Variants in LRP12 observed in about 807,000 individuals in gnomAD.
LRP12 encodes the protein low-density lipoprotein receptor-related protein 12.
A neutral mutation model predicts 66.0 loss-of-function variants in LRP12; 14 were observed. The ratio of observed to expected loss-of-function variants is 0.21; its 90% CI spans 0.14 to 0.33. LRP12 has a LOEUF of 0.33. LRP12 is among the 10% of genes least tolerant of loss of function. The pLI, the probability that LRP12 is intolerant of heterozygous loss-of-function variation, is 1.00. For missense variants in LRP12, 889 were observed against 1,053.4 expected (o/e 0.84, Z 2.16); for synonymous variants, 357 against 359.1 (o/e 0.99, Z 0.07).
chr8:104,588,999 G>GCCGCCGCCGCCA lies in LRP12; in HGVS notation c.-103_-102insTGGCGGCGGCGG, dbSNP rs1491015356. On this transcript the variant is annotated 5_prime_UTR_variant, in exon 1 of 7. Coordinates refer to ENST00000276654, the MANE Select transcript of LRP12 (RefSeq NM_013437.5). ...CGCCGCCGCCGCCGCCGCCGCCGCC[G>GCCGCCGCCGCCA]AGCCACCGGCTGCTCCCTGCGCTCT... 3.4e-6 allele frequency: 3 copies of GCCGCCGCCGCCA among 870,398 alleles called. No homozygotes were observed. Among genetic ancestry groups the GCCGCCGCCGCCA allele is most frequent in the African/African-American group, 1.8e-5 (1 of 55,888 alleles). The allele number at this position is 870,398 out of a possible 1,614,324, so 53.9% of individuals were successfully genotyped here.
At chr8:104,565,790 G>A (rs1294555059) in intron 1 of LRP12, among the ~76,000 whole-genome samples, 1 of 151,232 alleles carries the variant, frequency 6.6e-6, no homozygotes, top group Non-Finnish European at 1.5e-5. Flanking sequence ...GAACTCGGGA[G>A]GCAGAGCTTG....
intron 1 of LRP12, among the ~76,000 whole-genome samples, chr8:104,543,841 G>C (rs1308586378): frequency 6.6e-6 from 1 of 152,080 alleles, no homozygotes; most frequent in Non-Finnish European, 1.5e-5. Flanking sequence ...AGAATCACCT[G>C]AACCTGCGAG....
rs769443043 is a variant in LRP12, at chr8:104,491,179, A to G, written c.2074T>C (p.Cys692Arg). 4.3e-6 allele frequency: 7 copies of G among 1,614,054 alleles called. No homozygotes were observed. Among genetic ancestry groups the G allele is most frequent in the Non-Finnish European group, 5.9e-6 (7 of 1,180,004 alleles). ...TTAVEATVGA[C>R]ASSSTQSTRG... ...GTACTCTGAGTTGAGGAACTTGCAC[A>G]TGCTCCTACTGTCGCTTCTACTGCC... is the stretch of plus-strand genomic sequence containing the variant. Residue 692 changes from cysteine (C) to arginine (R), a missense_variant, in exon 7 of 7, where the codon TGT becomes CGT. Physicochemically the swap from Cys to Arg is radical, Grantham distance 180 (BLOSUM62 -3). Transcript: ENST00000276654.
intron 1 of LRP12, among the ~76,000 whole-genome samples, chr8:104,585,183 T>C (rs143300277): frequency 1.4e-4 from 22 of 152,352 alleles, no homozygotes; most frequent in African/African-American, 5.3e-4. Context: ...TTGAAGTTTA[T>C]TGTAAAATGA....
intron 2 of LRP12, among the ~76,000 whole-genome samples, 190 bp from the exon 3 acceptor site, chr8:104,509,264 C>A (rs1810957667): frequency 6.6e-6 from 1 of 152,160 alleles, no homozygotes; most frequent in Non-Finnish European, 1.5e-5. Flanking sequence ...TAGATAAAGT[C>A]CCTTATTCCA....
At chr8:104,582,244 T>C (rs1247180644) in intron 1 of LRP12, among the ~76,000 whole-genome samples, 2 of 152,278 alleles carry the variant, frequency 1.3e-5, no homozygotes, top group East Asian at 3.9e-4. Context: ...CAATTTCACA[T>C]CTTCACCAAA....
At position 104,497,399 on chromosome 8, in the gene LRP12, T is replaced by A. The variant is rs770571690; in HGVS notation, c.1153A>T (p.Asn385Tyr). Residue 385 changes from asparagine to tyrosine, a missense_variant, in exon 5 of 7, where the codon AAC becomes TAC. Coordinates refer to ENST00000276654, the MANE Select transcript of LRP12 (RefSeq NM_013437.5). The surrounding 1 kb of genome is among the most constrained non-coding windows in gnomAD (Gnocchi z 4.3). ...CLPWEIPCGGNWGCYTEQQRC... is the reference protein window; with the variant it reads ...CLPWEIPCGGYWGCYTEQQRC... The stretch of plus-strand genomic sequence containing the variant: ...TGCTGCTCAGTATAACACCCCCAGT[T>A]ACCTCCACAGGGTATTTCCCATGGC... 6.2e-7 allele frequency: 1 copy of A among 1,614,092 alleles called. No individual in the cohort carries two copies. The highest frequency in any genetic ancestry group is 1.7e-5 in the Admixed American group (1 of 60,024).
At chr8:104,498,145 A>C in intron 4 of LRP12, 69 bp from the exon 5 acceptor site, 2 of 1,338,132 alleles carry the variant, frequency 1.5e-6, no homozygotes, top group Non-Finnish European at 2.0e-6. Flanking sequence ...AAGACATAAA[A>C]CAGCAAGTGA....
At chr8:104,542,703 A>C (rs1057323538) in intron 1 of LRP12, among the ~76,000 whole-genome samples, 1 of 152,270 alleles carries the variant, frequency 6.6e-6, no homozygotes, top group East Asian at 1.9e-4. Context: ...CCAATAACAC[A>C]AACAGTTGAT....
At chr8:104,563,455 G>T (rs1316687766) in intron 1 of LRP12, among the ~76,000 whole-genome samples, 3 of 151,858 alleles carry the variant, frequency 2.0e-5, no homozygotes, top group Non-Finnish European at 4.4e-5. Flanking sequence ...TGTTAATAAT[G>T]ATATGTCATT....
Position 104,491,316 on chromosome 8 carries a change from C to T in LRP12, c.1937G>A (p.Ser646Asn), listed in dbSNP as rs752980753. The part of the protein sequence containing the change: ...REPERNHTHR[S>N]LFSVESDDTD... ...ATCATCAGACTCCACGGAAAACAAA[C>T]TTCTGTGAGTATGATTTCTCTCAGG... Residue 646 changes from serine (S) to asparagine (N), a missense_variant, in exon 7 of 7, where the codon AGT (serine) becomes AAT (asparagine). Physicochemically the swap from Ser to Asn is conservative, Grantham distance 46 (BLOSUM62 1). This residue lies in a region of LRP12 where 800 missense variants were observed against 964.5 expected (regional missense o/e 0.83). Coordinates refer to ENST00000276654, the MANE Select transcript of LRP12 (RefSeq NM_013437.5). 6.2e-7 allele frequency: 1 copy of T among 1,614,060 alleles called. No individual in the cohort carries two copies. Among genetic ancestry groups the T allele is most frequent in the Non-Finnish European group, 8.5e-7 (1 of 1,180,050 alleles).
At chr8:104,491,590 T>TAAA (rs34073040) in intron 6 of LRP12, 51 bp from the exon 7 acceptor site, 8,737 of 814,844 alleles carry the variant, frequency 0.011, 3 homozygotes, top group Non-Finnish European at 0.013. Context: ...GGTACTAAGA[T>TAAA]AAAAAAAAAA....
Position 104,490,389 on chromosome 8 carries a change from T to C in LRP12, c.*284A>G. 1 of 291,256 alleles carries C rather than the reference T, an allele frequency of 3.4e-6. No individual in the cohort carries two copies. Among genetic ancestry groups the C allele is most frequent in the Non-Finnish European group, 6.3e-6 (1 of 157,524 alleles). The allele number at this position is 291,256 out of a possible 1,614,324, so 18.0% of individuals were successfully genotyped here. Reference sequence around the variant, plus strand: ...AATCAAATGAGTTTCAGCAGCCACATTTCTACAGTGAACTACAGTATCAGG... The same window carrying C: ...AATCAAATGAGTTTCAGCAGCCACACTTCTACAGTGAACTACAGTATCAGG... On this transcript the variant is annotated 3_prime_UTR_variant, in exon 7 of 7. Transcript: ENST00000276654.
chr8:104,498,454 A>C (rs1177124573), intron 4 of LRP12, among the ~76,000 whole-genome samples: 1 of 147,134 alleles, frequency 6.8e-6, no homozygotes, highest in Non-Finnish European at 1.5e-5. Flanking sequence ...TCCCACTTAT[A>C]AGTGAGAACA....
chr8:104,519,776 A>G (rs907045392), intron 2 of LRP12, among the ~76,000 whole-genome samples: 2 of 152,070 alleles, frequency 1.3e-5, no homozygotes, highest in African/African-American at 4.8e-5. Flanking sequence ...CATGGCAAGT[A>G]GGAAATCTTA....
chr8:104,543,536 A>C (rs1012525015), intron 1 of LRP12, among the ~76,000 whole-genome samples: 7 of 152,138 alleles, frequency 4.6e-5, no homozygotes, highest in Non-Finnish European at 7.4e-5. Context: ...CTGAGACACA[A>C]CAATATTGAA....
chr8:104,521,511 T>C (rs1811151396), intron 2 of LRP12, among the ~76,000 whole-genome samples: 2 of 151,416 alleles, frequency 1.3e-5, no homozygotes, highest in South Asian at 4.1e-4. Context: ...TTTCCAAAAC[T>C]TAAAGGGAGT....
At chr8:104,547,563 AT>A (rs1467931851) in intron 1 of LRP12, among the ~76,000 whole-genome samples, 1 of 125,738 alleles carries the variant, frequency 8.0e-6, no homozygotes, top group Non-Finnish European at 1.6e-5. Flanking sequence ...CATATTATAT[AT>A]TAATAATTAT....
rs1408393432 is a variant in LRP12, at chr8:104,588,961, A to ACGCCGCCGCCGCCGCCGCCGCCGC, written c.-65_-64insGCGGCGGCGGCGGCGGCGGCGGCG. 2 of 963,692 alleles carry ACGCCGCCGCCGCCGCCGCCGCCGC rather than the reference A, an allele frequency of 2.1e-6. No homozygotes were observed. Among genetic ancestry groups the ACGCCGCCGCCGCCGCCGCCGCCGC allele is most frequent in the Non-Finnish European group, 2.9e-6 (2 of 699,938 alleles). The allele number at this position is 963,692 out of a possible 1,614,324, so 59.7% of individuals were successfully genotyped here. A position where few individuals can be genotyped will look rare whatever the true frequency, so the allele number is the denominator to read the frequency against. ...AGGAGGGAGGAGAAGCTGGAGGTAG[A>ACGCCGCCGCCGCCGCCGCCGCCGC]CGACGCCGACGCCGCCGCCGCCGCC... On this transcript the variant is annotated 5_prime_UTR_variant, in exon 1 of 7. Coordinates refer to ENST00000276654, the MANE Select transcript of LRP12 (RefSeq NM_013437.5).
Sources: gnomAD v4.1 joint callset for allele counts (sites outside exome capture counted in the v4.1 genomes callset) on GRCh38, gnomAD v4.1.1 for gene constraint, gnomAD v4.1.1 regional missense constraint, Gnocchi (gnomAD v3.1) non-coding constraint, MANE v1.5 for transcripts, NCBI Gene and HGNC (gene_info 2026-07-23, HGNC 2026-07-21) for gene names.